FOXN3: variants seen among roughly 807,000 people sequenced by gnomAD.
FOXN3 encodes the protein forkhead box protein N3.
Under a neutral mutation model 38.4 loss-of-function variants are expected in FOXN3, and 7 were observed. The observed-to-expected ratio is 0.18, with a 90% CI of 0.10 to 0.34. The LOEUF (loss-of-function observed/expected upper bound fraction) is 0.34, where lower values mean the gene tolerates loss of function less well. Among genes scored for constraint, FOXN3 ranks in the 10% least tolerant of loss-of-function variants. The pLI is 1.00. For missense variants in FOXN3, 456 were observed against 613.4 expected, an observed-to-expected ratio of 0.74 and a Z score of 2.71; for synonymous variants, 230 against 242.2, an observed-to-expected ratio of 0.95 and a Z score of 0.47.
intron 4 of FOXN3, among the ~76,000 whole-genome samples, chr14:89,218,198 G>T (rs944022449): frequency 5.3e-5 from 8 of 152,186 alleles, no homozygotes; most frequent in Non-Finnish European, 8.8e-5. Context: ...GGGTGTGTGG[G>T]TGGGGATTGG....
At chr14:89,233,978 C>T (rs1366545603) in intron 4 of FOXN3, among the ~76,000 whole-genome samples, 2 of 152,178 alleles carry the variant, frequency 1.3e-5, no homozygotes, top group Non-Finnish European at 2.9e-5. Flanking sequence ...CCATCCTCCC[C>T]TCACCAGGTC....
intron 4 of FOXN3, among the ~76,000 whole-genome samples, chr14:89,275,130 A>G (rs570708308): frequency 9.1e-4 from 138 of 152,324 alleles, no homozygotes; most frequent in African/African-American, 3.2e-3. Flanking sequence ...CCAGCTGCCC[A>G]AGAAACCAAC....
chr14:89,591,557 T>A (rs550802315), intron 1 of FOXN3, among the ~76,000 whole-genome samples: 23 of 152,310 alleles, frequency 1.5e-4, no homozygotes, highest in African/African-American at 4.3e-4. Flanking sequence ...CCTTGTAAGA[T>A]TCATTTCAAT....
intron 1 of FOXN3, among the ~76,000 whole-genome samples, chr14:89,542,564 T>C (rs987484530): frequency 6.6e-6 from 1 of 152,214 alleles, no homozygotes; most frequent in African/African-American, 2.4e-5. Context: ...GAACAGCTCG[T>C]TTCTCTACCA....
intron 3 of FOXN3, among the ~76,000 whole-genome samples, chr14:89,322,023 C>T (rs11622771): frequency 0.6 from 91,959 of 152,004 alleles, 27,765 homozygotes; most frequent in East Asian, 0.7. Flanking sequence ...CCCTACTCCA[C>T]TGGCCCTGAT....
At chr14:89,199,004 G>C (rs1208354922) in intron 4 of FOXN3, among the ~76,000 whole-genome samples, 4 of 152,204 alleles carry the variant, frequency 2.6e-5, no homozygotes, top group African/African-American at 9.7e-5. Context: ...ACTGAAGTAA[G>C]TAAGAGCCAT....
chr14:89,544,478 T>C (rs999506855), intron 1 of FOXN3, among the ~76,000 whole-genome samples: 1 of 152,166 alleles, frequency 6.6e-6, no homozygotes. Context: ...TGCTAACATC[T>C]GAGGACATCA....
intron 3 of FOXN3, among the ~76,000 whole-genome samples, chr14:89,336,177 T>G (rs1888452055): frequency 7.5e-6 from 1 of 134,210 alleles, no homozygotes; most frequent in South Asian, 2.3e-4. Context: ...CACACATTCA[T>G]AATCCTTAGT....
At chr14:89,538,748 C>A (rs1894737700) in intron 1 of FOXN3, among the ~76,000 whole-genome samples, 1 of 151,750 alleles carries the variant, frequency 6.6e-6, no homozygotes, top group Non-Finnish European at 1.5e-5. Context: ...GAACTCCCGA[C>A]CTCAGGTGAT....
intron 1 of FOXN3, among the ~76,000 whole-genome samples, chr14:89,534,800 C>T (rs1383454238): frequency 1.3e-5 from 2 of 152,172 alleles, no homozygotes; most frequent in African/African-American, 4.8e-5. Context: ...ATGCGCTAGG[C>T]GGTGGCCTCT....
At chr14:89,394,369 A>T (rs954266611) in intron 2 of FOXN3, among the ~76,000 whole-genome samples, 5 of 151,794 alleles carry the variant, frequency 3.3e-5, no homozygotes, top group Non-Finnish European at 7.4e-5. Context: ...ACGCCCAGCT[A>T]ATTTTTTTTG....
chr14:89,417,483 C>G (rs1416967988), upstream of FOXN3: 1 of 150,822 alleles, frequency 6.6e-6, no homozygotes, highest in African/African-American at 2.4e-5. Context: ...GTGACCGGCG[C>G]GGGTCCCGCG....
rs150620925 is a variant in FOXN3, at chr14:89,529,421, T to C, written c.-15+89607A>G. ...ACTGTTATAAAAACATTTTAGGCAG[T>C]ACAATTGCAAAGTCTAGATGCTTTT... is the stretch of plus-strand genomic sequence containing the variant. On this transcript the variant is annotated intron_variant, in intron 1 of 6. Coordinates refer to the FOXN3 transcript ENST00000345097. Among the ~76,000 whole-genome samples the C allele has an allele frequency of 4.2e-3, 633 of 152,332 alleles. 3 individuals are homozygous for C. Among genetic ancestry groups the C allele is most frequent in the African/African-American group, 0.014 (596 of 41,576 alleles).
At chr14:89,261,342 A>G (rs1265021983) in intron 4 of FOXN3, among the ~76,000 whole-genome samples, 1 of 152,238 alleles carries the variant, frequency 6.6e-6, no homozygotes, top group Non-Finnish European at 1.5e-5. Context: ...CCGGAAAGAC[A>G]CACGTGCTGC....
chr14:89,569,338 T>C (rs1293546611), intron 1 of FOXN3, among the ~76,000 whole-genome samples: 1 of 152,162 alleles, frequency 6.6e-6, no homozygotes, highest in Non-Finnish European at 1.5e-5. Context: ...ACGTAGGTAG[T>C]GGAAAGTGAC....
At chr14:89,380,614 A>T (rs543598056) in intron 2 of FOXN3, among the ~76,000 whole-genome samples, 1 of 152,322 alleles carries the variant, frequency 6.6e-6, no homozygotes, top group South Asian at 2.1e-4. Context: ...CACACCCCTT[A>T]TAAGTCGTAT....
chr14:89,350,591 TATTAA>T, intron 3 of FOXN3, 76 bp downstream of exon 3: 2 of 1,217,580 alleles, frequency 1.6e-6, no homozygotes, highest in Non-Finnish European at 2.2e-6. Context: ...TCGTACGGCC[TATTAA>T]ATTAATTTCC....
intron 1 of FOXN3, among the ~76,000 whole-genome samples, chr14:89,482,128 C>A (rs1426466722): frequency 1.3e-5 from 2 of 152,126 alleles, no homozygotes; most frequent in Non-Finnish European, 2.9e-5. Context: ...AAATGTAGGA[C>A]TGAATTAATT....
At position 89,436,012 on chromosome 14, in the gene FOXN3, A is replaced by ATT. The variant is rs78515416; in HGVS notation, c.-14-23524_-14-23523dup. On this transcript the variant is annotated intron_variant, in intron 1 of 6. Coordinates refer to the FOXN3 transcript ENST00000345097. ...CCTTCATCACTCATTTTTCTTTATT[A>ATT]TTTTTTTTTTCAGAGATAGGGTCTT... is the stretch of plus-strand genomic sequence containing the variant. 1.3e-3 allele frequency among the ~76,000 whole-genome samples: 198 copies of ATT among 148,020 alleles called. 2 individuals carry two copies. Among genetic ancestry groups the ATT allele is most frequent in the Middle Eastern group, 6.8e-3 (2 of 292 alleles).
Sources: allele counts gnomAD v4.1 joint callset (sites outside exome capture counted in the v4.1 genomes callset), GRCh38; gene constraint gnomAD v4.1.1; transcripts MANE v1.5; gene names NCBI Gene and HGNC (gene_info 2026-07-23, HGNC 2026-07-21).